TLN2: variants seen among roughly 807,000 people sequenced by gnomAD.
TLN2 encodes the protein talin 2.
A neutral mutation model predicts 294.7 loss-of-function variants in TLN2; 118 were observed. The ratio of observed to expected loss-of-function variants is 0.40; its 90% CI spans 0.34 to 0.47. The LOEUF (loss-of-function observed/expected upper bound fraction) is 0.47. Among genes scored for constraint, TLN2 ranks in the 20% least tolerant of loss-of-function variants. The pLI, the probability that TLN2 is intolerant of heterozygous loss-of-function variation, is 0.84. For missense variants in TLN2, 3,083 were observed against 3,282.2 expected (o/e 0.94, Z 1.48); for synonymous variants, 1,431 against 1,304.5 (o/e 1.10, Z -2.09).
intron 2 of TLN2, among the ~76,000 whole-genome samples, chr15:62,606,828 G>A (rs370002061): frequency 1.3e-5 from 2 of 152,136 alleles, no homozygotes; most frequent in Non-Finnish European, 2.9e-5. Context: ...GTCATCTGCC[G>A]TGTAGTGTGG....
chr15:62,581,250 G>T (rs1179452486), intron 1 of TLN2, among the ~76,000 whole-genome samples: 1 of 152,194 alleles, frequency 6.6e-6, no homozygotes, highest in Non-Finnish European at 1.5e-5. Context: ...GAATTGTATA[G>T]TATGTAGCCT....
intron 1 of TLN2, among the ~76,000 whole-genome samples, chr15:62,432,843 G>A (rs2035083533): frequency 6.6e-6 from 1 of 152,016 alleles, no homozygotes. Flanking sequence ...TGTGAAACAT[G>A]CTGACTCCAG....
chr15:62,707,499 C>T (rs2059143306), intron 20 of TLN2, among the ~76,000 whole-genome samples: 2 of 152,242 alleles, frequency 1.3e-5, no homozygotes, highest in Non-Finnish European at 2.9e-5. Flanking sequence ...ATGCAAATTG[C>T]TGTGTCTCCC....
intron 1 of TLN2, among the ~76,000 whole-genome samples, chr15:62,487,514 C>A (rs1030974826): frequency 1.1e-4 from 17 of 152,096 alleles, no homozygotes; most frequent in Non-Finnish European, 2.4e-4. Context: ...GACCCGCAGA[C>A]CTATTGTTCC....
chr15:62,692,010 A>G (rs1363035173), intron 12 of TLN2, among the ~76,000 whole-genome samples: 1 of 152,144 alleles, frequency 6.6e-6, no homozygotes, highest in South Asian at 2.1e-4. Flanking sequence ...ATATTCTGTT[A>G]TAGCAGGTGG....
At position 62,414,684 on chromosome 15, in the gene TLN2, G is replaced by A. The variant is rs2033978084; in HGVS notation, c.-238+23999G>A. Among the ~76,000 whole-genome samples, 2 of 140,660 alleles carry A rather than the reference G, an allele frequency of 1.4e-5. 1 individual carries two copies. Among genetic ancestry groups the A allele is most frequent in the African/African-American group, 5.1e-5 (2 of 39,398 alleles). 92.3% of individuals were successfully genotyped at this position (140,660 alleles called of 152,430 possible). A position where few individuals can be genotyped will look rare whatever the true frequency, so the allele number is the denominator to read the frequency against. On this transcript the variant is annotated intron_variant, in intron 1 of 58. Transcript: ENST00000636159. ...TCATTTCCCAAAGCATTTCATGTTT[G>A]GTTGCCTTCTTGTTCTGGTAACACA...
chr15:62,475,271 A>G (rs2037724526), intron 1 of TLN2, among the ~76,000 whole-genome samples: 1 of 152,198 alleles, frequency 6.6e-6, no homozygotes, highest in African/African-American at 2.4e-5. Context: ...TAATGGGGAC[A>G]TTAATTTTCA....
At chr15:62,615,779 A>G (rs2048265421) in intron 2 of TLN2, among the ~76,000 whole-genome samples, 1 of 152,194 alleles carries the variant, frequency 6.6e-6, no homozygotes, top group Admixed American at 6.5e-5. Flanking sequence ...GTCTCATCAT[A>G]TTTATGACCC....
chr15:62,621,002 C>T (rs1199524512), intron 3 of TLN2, among the ~76,000 whole-genome samples: 1 of 151,772 alleles, frequency 6.6e-6, no homozygotes, highest in Non-Finnish European at 1.5e-5. Flanking sequence ...CCACGCCCGG[C>T]TAATTTTTTT....
chr15:62,405,569 G>C (rs1348124471), intron 1 of TLN2, among the ~76,000 whole-genome samples: 2 of 152,154 alleles, frequency 1.3e-5, no homozygotes, highest in Non-Finnish European at 2.9e-5. Flanking sequence ...AATGTGTTTT[G>C]TCCTACTTAG....
chr15:62,625,011 G>A (rs2049156138), intron 3 of TLN2, among the ~76,000 whole-genome samples: 1 of 152,172 alleles, frequency 6.6e-6, no homozygotes, highest in African/African-American at 2.4e-5. Flanking sequence ...TTTTTTGGCT[G>A]CCTGAAGGGA....
chr15:62,777,546 G>T (rs1303293294), intron 43 of TLN2, among the ~76,000 whole-genome samples: 1 of 128,326 alleles, frequency 7.8e-6, no homozygotes, highest in Admixed American at 7.6e-5. Flanking sequence ...AAAAAAAAAA[G>T]TGATTCCCAA....
chr15:62,663,802 CTA>C (rs1173400833), intron 9 of TLN2, among the ~76,000 whole-genome samples: 2 of 151,938 alleles, frequency 1.3e-5, no homozygotes, highest in African/African-American at 4.8e-5. Context: ...TATGTTATTG[CTA>C]TGTTAATGGG....
chr15:62,525,857 C>T (rs1008185599), intron 1 of TLN2, among the ~76,000 whole-genome samples: 1 of 152,192 alleles, frequency 6.6e-6, no homozygotes, highest in African/African-American at 2.4e-5. Context: ...CCTCATGCGT[C>T]TTGCTGAGGA....
chr15:62,673,866 A>T lies in TLN2; in HGVS notation c.828A>T (p.Arg276Ser). The change falls in exon 10 of 59, where the codon AGA (arginine) becomes AGT (serine). Residue 276 changes from arginine to serine, a missense_variant. Coordinates refer to ENST00000636159, the MANE Select transcript of TLN2 (RefSeq NM_015059.3). ...EFLPKEYIKQRGAEKRIFQEH... is the reference protein window; with the variant it reads ...EFLPKEYIKQSGAEKRIFQEH... ...TGCCCAAAGAATATATCAAGCAGAG[A>T]GGAGCTGAAAAGAGGATCTTTCAGG... The T allele has an allele frequency of 1.9e-6, 3 of 1,613,404 alleles. No individual in the cohort carries two copies. Among genetic ancestry groups the T allele is most frequent in the Non-Finnish European group, 2.5e-6 (3 of 1,179,598 alleles).
chr15:62,469,716 A>G (rs2037360098), intron 1 of TLN2, among the ~76,000 whole-genome samples: 2 of 152,252 alleles, frequency 1.3e-5, no homozygotes, highest in African/African-American at 2.4e-5. Flanking sequence ...CACACAGGCA[A>G]TTCCTAAGTG....
chr15:62,429,570 T>G (rs1376870592), intron 1 of TLN2, among the ~76,000 whole-genome samples: 7 of 152,086 alleles, frequency 4.6e-5, no homozygotes, highest in Admixed American at 3.9e-4. Context: ...ATTTAATTGC[T>G]GGTGTGTTTT....
intron 12 of TLN2, among the ~76,000 whole-genome samples, chr15:62,691,700 G>A (rs1457978273): frequency 1.3e-5 from 2 of 151,356 alleles, no homozygotes; most frequent in African/African-American, 4.9e-5. Flanking sequence ...GTTTTTTTTG[G>A]AGACAGTCTC....
At chr15:62,717,232 G>A (rs1474432411) in intron 23 of TLN2, among the ~76,000 whole-genome samples, 4 of 152,264 alleles carry the variant, frequency 2.6e-5, no homozygotes, top group South Asian at 2.1e-4. Context: ...AACCATCTAC[G>A]CTGCTTGTGG....
Sources: allele counts gnomAD v4.1 joint callset (sites outside exome capture counted in the v4.1 genomes callset), GRCh38; gene constraint gnomAD v4.1.1; transcripts MANE v1.5; gene names NCBI Gene and HGNC (gene_info 2026-07-23, HGNC 2026-07-21).